Variants in NANS observed in about 807,000 individuals in gnomAD.
NANS encodes N-acetylneuraminate-9-phosphate synthase.
In NANS, 29 loss-of-function variants were observed where a neutral mutation model predicts 33.3. The ratio of observed to expected loss-of-function variants is 0.87; its 90% CI spans 0.65 to 1.19. NANS has a LOEUF of 1.19. Among genes scored for constraint, NANS ranks in the 50% most tolerant of loss-of-function variants. The probability of loss-of-function intolerance (pLI) is 0.00; values close to 1 mark genes in which losing one functional copy is unlikely to be tolerated. For synonymous variants in NANS, 163 were observed against 177.2 expected, an observed-to-expected ratio of 0.92 and a Z score of 0.64; for missense variants, 394 against 461.1, an observed-to-expected ratio of 0.85 and a Z score of 1.33.
chr9:98,080,546 G>A (rs1252268711), intron 4 of NANS, among the ~76,000 whole-genome samples: 4 of 152,198 alleles, frequency 2.6e-5, no homozygotes, highest in African/African-American at 9.6e-5. Flanking sequence ...TGTGCAATGT[G>A]AAACATTCTT....
chr9:98,057,659 C>G (rs1169336711), intron 1 of NANS, among the ~76,000 whole-genome samples: 1 of 152,110 alleles, frequency 6.6e-6, no homozygotes, highest in African/African-American at 2.4e-5. Flanking sequence ...TAAATGCGTG[C>G]TCCCTCTTCT....
intron 2 of NANS, among the ~76,000 whole-genome samples, chr9:98,070,112 CTATTTTATTTTA>C (rs984672287): frequency 9.9e-5 from 15 of 152,252 alleles, no homozygotes; most frequent in Non-Finnish European, 1.6e-4. Context: ...AAAGATTCCT[CTATTTTATTTTA>C]TATTTTATTT....
intron 1 of NANS, 67 bp from the exon 2 acceptor site, chr9:98,060,715 C>T (rs1270762003): frequency 2.1e-6 from 3 of 1,445,408 alleles, no homozygotes; most frequent in Non-Finnish European, 2.9e-6. Flanking sequence ...AGTGGTTGCT[C>T]CAGAATTTTT....
intron 3 of NANS, 73 bp from the exon 4 acceptor site, chr9:98,078,120 A>T (rs1183678015): frequency 1.9e-6 from 3 of 1,592,688 alleles, no homozygotes. Flanking sequence ...TGAGACCAGC[A>T]GTTGGGATGT....
intron 4 of NANS, among the ~76,000 whole-genome samples, chr9:98,079,671 AAC>A (rs764587069): frequency 1.9e-4 from 29 of 152,190 alleles, no homozygotes; most frequent in South Asian, 2.1e-4. Context: ...TCCGATAATT[AAC>A]AGTTTAGTAG....
At chr9:98,065,379 C>A (rs1382856070) in intron 2 of NANS, among the ~76,000 whole-genome samples, 1 of 135,448 alleles carries the variant, frequency 7.4e-6, no homozygotes, top group Non-Finnish European at 1.5e-5. Flanking sequence ...ATCAATGGTG[C>A]AATCTCGGCT....
chr9:98,082,818 T>C, intron 5 of NANS, 28 bp from the exon 6 acceptor site: 1 of 1,608,578 alleles, frequency 6.2e-7, no homozygotes, highest in East Asian at 2.2e-5. Context: ...TCTGTGAAGC[T>C]GGCACTGAAT....
intron 1 of NANS, among the ~76,000 whole-genome samples, chr9:98,057,637 C>T (rs1396408559): frequency 1.3e-5 from 2 of 152,232 alleles, no homozygotes; most frequent in East Asian, 3.9e-4. Flanking sequence ...GCACTTGGCA[C>T]ACATGAGTCG....
At chr9:98,079,441 G>A (rs1008611158) in intron 4 of NANS, among the ~76,000 whole-genome samples, 1 of 148,376 alleles carries the variant, frequency 6.7e-6, no homozygotes, top group Non-Finnish European at 1.5e-5. Flanking sequence ...CATAATATAA[G>A]CTTTCTTACA....
At position 98,078,293 on chromosome 9, in the gene NANS, G is replaced by A. The variant is rs1410034982; in HGVS notation, c.549G>A (p.Gln183=). The A allele has an allele frequency of 6.2e-7, 1 of 1,614,084 alleles. No individual in the cohort carries two copies. Among genetic ancestry groups the A allele is most frequent in the East Asian group, 2.2e-5 (1 of 44,870 alleles). ...TCAACCCCAACTTCTGCTTCTTGCAGTGTACCAGCGCATACCCGCTCCAGC... is the reference window on the plus strand; with the variant it reads ...TCAACCCCAACTTCTGCTTCTTGCAATGTACCAGCGCATACCCGCTCCAGC... ...KPLNPNFCFL[Q]CTSAYPLQPE... is the part of the protein sequence containing the mutation. Residue 183 remains glutamine (Q), a synonymous_variant, in exon 4 of 6, where the codon CAG becomes CAA. Coordinates refer to ENST00000210444, the MANE Select transcript of NANS (RefSeq NM_018946.4).
chr9:98,070,152 C>T (rs1039053862), intron 2 of NANS, among the ~76,000 whole-genome samples: 1 of 152,164 alleles, frequency 6.6e-6, no homozygotes, highest in Non-Finnish European at 1.5e-5. Flanking sequence ...CAGAGTCTTG[C>T]TGTCACGCAG....
intron 4 of NANS, among the ~76,000 whole-genome samples, chr9:98,079,626 A>T (rs1295350164): frequency 2.0e-5 from 3 of 152,226 alleles, no homozygotes; most frequent in African/African-American, 7.2e-5. Context: ...TAATGTCGAA[A>T]GTAAACATCC....
At chr9:98,078,762 G>T (rs1017028969) in intron 4 of NANS, among the ~76,000 whole-genome samples, 17 of 150,478 alleles carry the variant, frequency 1.1e-4, no homozygotes, top group Admixed American at 5.3e-4. Context: ...TTGAATTCAG[G>T]AGGCAGAGGT....
At chr9:98,073,539 T>C (rs1829446297) in intron 2 of NANS, among the ~76,000 whole-genome samples, 1 of 151,132 alleles carries the variant, frequency 6.6e-6, no homozygotes, top group African/African-American at 2.4e-5. Context: ...CGCCACGGCC[T>C]CCCAAAGTGC....
rs536951859 is a variant in NANS at position 98,056,746 on chromosome 9, A to AGGC, written c.-47_-45dup. 347 of 1,567,674 alleles carry AGGC rather than the reference A, an allele frequency of 2.2e-4. 1 individual carries two copies. Among genetic ancestry groups the AGGC allele is most frequent in the Middle Eastern group, 7.4e-4 (4 of 5,382 alleles). The stretch of plus-strand genomic sequence containing the variant: ...CAGCGTTGCTCACAGAACAGAGTAG[A>AGGC]GGCGGCGGCGGCGGCGGCCGGACCC... On this transcript the variant is annotated 5_prime_UTR_variant, in exon 1 of 6. Transcript: ENST00000210444.
intron 2 of NANS, among the ~76,000 whole-genome samples, chr9:98,066,590 A>G (rs369119819): frequency 1.9e-3 from 296 of 152,084 alleles, no homozygotes; most frequent in African/African-American, 6.9e-3. Flanking sequence ...CAAAGGAAAA[A>G]CTACCTATTA....
intron 2 of NANS, among the ~76,000 whole-genome samples, chr9:98,071,890 T>C (rs1829351306): frequency 6.6e-6 from 1 of 152,232 alleles, no homozygotes. Flanking sequence ...AGGTGCCTCC[T>C]TGCCCGTGAG....
At chr9:98,065,249 C>T (rs188493546) in intron 2 of NANS, among the ~76,000 whole-genome samples, 190 of 148,374 alleles carry the variant, frequency 1.3e-3, no homozygotes, top group Admixed American at 0.012. Context: ...CAGAGAATTA[C>T]AATGTTTAGC....
chr9:98,061,227 G>A (rs568570877), intron 2 of NANS: 25 of 504,384 alleles, frequency 5.0e-5, no homozygotes, highest in African/African-American at 3.1e-4. Context: ...CTGTAATCCC[G>A]GCACTTTGGG....
Sources: gnomAD v4.1 joint callset for allele counts (sites outside exome capture counted in the v4.1 genomes callset) on GRCh38, gnomAD v4.1.1 for gene constraint, MANE v1.5 for transcripts, NCBI Gene and HGNC (gene_info 2026-07-23, HGNC 2026-07-21) for gene names.